Variants in GPBP1 observed in about 807,000 individuals in gnomAD.
GPBP1 encodes the protein GC-rich promoter binding protein 1, also known as vasculin.
A neutral mutation model predicts 56.5 loss-of-function variants in GPBP1; 13 were observed. That is an observed-to-expected ratio of 0.23 (90% CI 0.15 to 0.37). GPBP1 has a LOEUF of 0.37. Ranked by LOEUF, GPBP1 falls within the 10% of genes least tolerant of loss-of-function variation. The probability of loss-of-function intolerance (pLI) is 1.00; values close to 1 mark genes in which losing one functional copy is unlikely to be tolerated. For missense variants in GPBP1, 477 were observed against 572.3 expected (o/e 0.83, Z 1.70); for synonymous variants, 204 against 188.9 (o/e 1.08, Z -0.66).
chr5:57,240,666 AATT>A (rs1740783505), intron 6 of GPBP1, among the ~76,000 whole-genome samples: 1 of 152,150 alleles, frequency 6.6e-6, no homozygotes, highest in Non-Finnish European at 1.5e-5. Context: ...TGACCACAAA[AATT>A]ATAATGAGAA....
At chr5:57,244,167 A>G (rs1261562430) in intron 6 of GPBP1, among the ~76,000 whole-genome samples, 1 of 152,170 alleles carries the variant, frequency 6.6e-6, no homozygotes, top group Non-Finnish European at 1.5e-5. Context: ...CATATCTGGC[A>G]TTTTCAAGTC....
At chr5:57,254,285 C>A (rs1741537385) in intron 10 of GPBP1, among the ~76,000 whole-genome samples, 1 of 152,160 alleles carries the variant, frequency 6.6e-6, no homozygotes, top group African/African-American at 2.4e-5. Flanking sequence ...ATCTTTCTGT[C>A]TTTAATCATA....
chr5:57,246,280 G>T lies in GPBP1; in HGVS notation c.479-20G>T, dbSNP rs773427615. 6.3e-7 allele frequency: 1 copy of T among 1,589,338 alleles called. No homozygotes were observed. The highest frequency in any genetic ancestry group is 8.6e-7 in the Non-Finnish European group (1 of 1,164,258). On this transcript the variant is annotated intron_variant, in intron 6 of 11. Coordinates refer to ENST00000506184, the MANE Select transcript of GPBP1 (RefSeq NM_022913.4). The stretch of plus-strand genomic sequence containing the variant: ...AACTTGAAATTGTGAGTGACTCTTG[G>T]TCATGCTTTATTTATGCAGAATATC...
intron 2 of GPBP1, among the ~76,000 whole-genome samples, chr5:57,192,770 A>AAC (rs1437766327): frequency 2.7e-5 from 4 of 149,660 alleles, no homozygotes; most frequent in Non-Finnish European, 6.0e-5. Flanking sequence ...AAAAAAAAAA[A>AAC]AAAATTAGGA....
rs1316724326 is a variant in GPBP1, at chr5:57,231,034, A to T, written c.188-64A>T. On this transcript the variant is annotated intron_variant, in intron 4 of 11. Coordinates refer to ENST00000506184, the MANE Select transcript of GPBP1 (RefSeq NM_022913.4). The stretch of plus-strand genomic sequence containing the variant: ...TTTATGATTTTTAAAGAATGTTTTG[A>T]TGTGATTCAATCTTTAAGCTTCTCT... The T allele has an allele frequency of 1.5e-5, 23 of 1,581,840 alleles. No individual in the cohort carries two copies. The African/African-American group carries it at 2.9e-4, about 20-fold the overall frequency.
chr5:57,221,436 A>G (rs1258650800), intron 3 of GPBP1: 2 of 1,304,488 alleles, frequency 1.5e-6, no homozygotes, highest in Non-Finnish European at 2.2e-6. Context: ...ATATTGAAAA[A>G]TTTAGATAAC....
At chr5:57,213,471 CTT>C (rs138933215) in intron 2 of GPBP1, among the ~76,000 whole-genome samples, 6 of 144,866 alleles carry the variant, frequency 4.1e-5, no homozygotes, top group Admixed American at 6.9e-5. Flanking sequence ...TCATAATTTT[CTT>C]TTTTTTTTTT....
At chr5:57,243,277 G>T (rs1183818835) in intron 6 of GPBP1, among the ~76,000 whole-genome samples, 1 of 152,112 alleles carries the variant, frequency 6.6e-6, no homozygotes, top group African/African-American at 2.4e-5. Context: ...ATATTGGCCA[G>T]GCTGGTCTTG....
At chr5:57,202,327 C>T (rs941789943) in intron 2 of GPBP1, among the ~76,000 whole-genome samples, 3 of 151,992 alleles carry the variant, frequency 2.0e-5, no homozygotes, top group South Asian at 4.1e-4. Context: ...TCACTCTTGT[C>T]ACCAGGCTGG....
chr5:57,198,624 G>T (rs994604718), intron 2 of GPBP1, among the ~76,000 whole-genome samples: 1 of 152,046 alleles, frequency 6.6e-6, no homozygotes. Context: ...TGAGACTGGC[G>T]GATTGCTTGA....
intron 6 of GPBP1, among the ~76,000 whole-genome samples, chr5:57,240,946 C>CT (rs1344530718): frequency 6.7e-6 from 1 of 149,898 alleles, no homozygotes; most frequent in Non-Finnish European, 1.5e-5. Flanking sequence ...GAGCGAAACT[C>CT]TGTCTCCCAT....
intron 2 of GPBP1, among the ~76,000 whole-genome samples, chr5:57,202,457 T>A (rs976888068): frequency 2.0e-5 from 3 of 151,976 alleles, no homozygotes; most frequent in Middle Eastern, 3.2e-3. Context: ...CTTGGCTAAT[T>A]TTTGTATTTT....
chr5:57,221,267 C>A, intron 3 of GPBP1: 1 of 685,670 alleles, frequency 1.5e-6, no homozygotes, highest in Non-Finnish European at 2.4e-6. Context: ...GTATATGTAA[C>A]AAATTTTATA....
In GPBP1 at chr5:57,174,186, C is replaced by A. The variant is rs919971780; in HGVS notation, c.-1036C>A. On this transcript the variant is annotated 5_prime_UTR_variant, in exon 1 of 12. Transcript: ENST00000506184. The stretch of plus-strand genomic sequence containing the variant: ...ATCAGGCGCGGCGGCACCCCCAGGC[C>A]AGGGGCACCTCTGGTGGGGCAGAAG... 6.5e-6 allele frequency: 1 copy of A among 153,058 alleles called. No homozygotes were observed. Among genetic ancestry groups the A allele is most frequent in the Non-Finnish European group, 1.5e-5 (1 of 68,458 alleles). The allele number at this position is 153,058 out of a possible 1,614,324, so 9.5% of individuals were successfully genotyped here.
intron 2 of GPBP1, among the ~76,000 whole-genome samples, chr5:57,185,051 T>G (rs577215366): frequency 5.9e-5 from 9 of 152,332 alleles, no homozygotes; most frequent in African/African-American, 2.2e-4. Context: ...TTTGTTTGTT[T>G]CCAGTTTTTG....
At chr5:57,242,939 CAG>C (rs948786452) in intron 6 of GPBP1, among the ~76,000 whole-genome samples, 3 of 150,798 alleles carry the variant, frequency 2.0e-5, no homozygotes, top group Non-Finnish European at 3.0e-5. Context: ...TTAGTAAAGA[CAG>C]GGTTTCACCA....
At chr5:57,226,974 C>T (rs570168079) in intron 3 of GPBP1, among the ~76,000 whole-genome samples, 2 of 152,048 alleles carry the variant, frequency 1.3e-5, no homozygotes, top group South Asian at 2.1e-4. Flanking sequence ...CTCCTGACCT[C>T]GTGATCCTCC....
intron 3 of GPBP1, among the ~76,000 whole-genome samples, chr5:57,227,351 G>T (rs188225626): frequency 4.6e-5 from 7 of 152,108 alleles, no homozygotes; most frequent in Admixed American, 3.9e-4. Flanking sequence ...ACAGGCATGA[G>T]CCACCACACC....
At chr5:57,234,320 T>G (rs1756580026) in intron 5 of GPBP1, among the ~76,000 whole-genome samples, 4 of 152,254 alleles carry the variant, frequency 2.6e-5, no homozygotes. Context: ...AAGATTAGCT[T>G]TAGAGCACTC....
Sources: allele counts gnomAD v4.1 joint callset (sites outside exome capture counted in the v4.1 genomes callset), GRCh38; gene constraint gnomAD v4.1.1; transcripts MANE v1.5; gene names NCBI Gene and HGNC (gene_info 2026-07-23, HGNC 2026-07-21).